Variants in TRIM25 observed in about 807,000 individuals in gnomAD.
TRIM25 encodes E3 ubiquitin/ISG15 ligase TRIM25.
In TRIM25, 45 loss-of-function variants were observed where a neutral mutation model predicts 65.2. The observed-to-expected ratio is 0.69, with a 90% CI of 0.54 to 0.89. The LOEUF is 0.89. Among genes scored for constraint, TRIM25 ranks in the 40% least tolerant of loss-of-function variants. The pLI is 0.00. For synonymous variants in TRIM25, 321 were observed against 340.4 expected, an observed-to-expected ratio of 0.94 and a Z score of 0.63; for missense variants, 714 against 803.7, an observed-to-expected ratio of 0.89 and a Z score of 1.35.
rs1909128697 is a variant in TRIM25, at chr17:56,889,721, C to A, written c.*1979G>T. ...GCCAGAGCAGGAGCCATGGATTTAT[C>A]TCTGGCATTCTACTCCTCCAAGCCC... is the stretch of plus-strand genomic sequence containing the variant. On this transcript the variant is annotated 3_prime_UTR_variant, in exon 9 of 9. Transcript: ENST00000316881. 1 of 398,496 alleles carries A rather than the reference C, an allele frequency of 2.5e-6. No homozygotes were observed. Among genetic ancestry groups the A allele is most frequent in the African/African-American group, 2.1e-5 (1 of 48,638 alleles). 24.7% of individuals were successfully genotyped at this position (398,496 alleles called of 1,614,324 possible). A position where few individuals can be genotyped will look rare whatever the true frequency, so the allele number is the denominator to read the frequency against.
At position 56,899,188 on chromosome 17, in the gene TRIM25, A is replaced by C. The variant is rs1308478867; in HGVS notation, c.1088-8T>G. On this transcript the variant is annotated splice_region_variant and splice_polypyrimidine_tract_variant and intron_variant, in intron 4 of 8. Coordinates refer to ENST00000316881, the MANE Select transcript of TRIM25 (RefSeq NM_005082.5). Reference sequence around the variant, plus strand: ...CATGCTCTCCAGGGTCACCTGTGTCAGAGAAGAAGGGCTCAGTGTGTGCGG... The same window carrying C: ...CATGCTCTCCAGGGTCACCTGTGTCCGAGAAGAAGGGCTCAGTGTGTGCGG... The C allele has an allele frequency of 4.3e-6, 7 of 1,614,144 alleles. No homozygotes were observed. The highest frequency in any genetic ancestry group is 5.9e-6 in the Non-Finnish European group (7 of 1,180,010).
intron 3 of TRIM25, 108 bp downstream of exon 3, chr17:56,904,147 T>C: frequency 1.1e-6 from 1 of 914,150 alleles, no homozygotes; most frequent in Non-Finnish European, 1.7e-6. Flanking sequence ...CAGGGATGCT[T>C]CCAGTGACCT....
chr17:56,905,807 A>T (rs1322357770), intron 2 of TRIM25, among the ~76,000 whole-genome samples: 1 of 151,802 alleles, frequency 6.6e-6, no homozygotes, highest in East Asian at 1.9e-4. Context: ...AAATAAAAAT[A>T]AAAAAATTAG....
chr17:56,896,426 C>T (rs1241586555), intron 5 of TRIM25, among the ~76,000 whole-genome samples: 1 of 148,348 alleles, frequency 6.7e-6, no homozygotes, highest in Non-Finnish European at 1.5e-5. Context: ...GGCCAAGGTG[C>T]AGGAACCACT....
At chr17:56,892,992 CAG>C in intron 8 of TRIM25, among the ~76,000 whole-genome samples, 1 of 152,170 alleles carries the variant, frequency 6.6e-6, no homozygotes, top group Non-Finnish European at 1.5e-5. Context: ...AGCCAAGTAA[CAG>C]AAGATGAGAA....
At chr17:56,899,238 A>T (rs2144353986) in intron 4 of TRIM25, 58 bp from the exon 5 acceptor site, 1 of 1,596,770 alleles carries the variant, frequency 6.3e-7, no homozygotes, top group Admixed American at 1.7e-5. Flanking sequence ...CCTAGCAGCC[A>T]GCTTTGCCAT....
At chr17:56,902,629 TATGAG>T (rs760253736) in intron 3 of TRIM25, among the ~76,000 whole-genome samples, 40 of 152,094 alleles carry the variant, frequency 2.6e-4, no homozygotes, top group African/African-American at 5.6e-4. Context: ...GGATGGATGA[TATGAG>T]ATGAGACTGC....
chr17:56,900,732 G>A (rs991357501), intron 4 of TRIM25, among the ~76,000 whole-genome samples: 4 of 152,302 alleles, frequency 2.6e-5, no homozygotes, highest in African/African-American at 7.2e-5. Context: ...AGTGGGGGGC[G>A]CCTTGGGGCT....
chr17:56,912,661 C>T (rs1281829623), intron 1 of TRIM25: 3 of 152,282 alleles, frequency 2.0e-5, no homozygotes, highest in Non-Finnish European at 2.9e-5. Flanking sequence ...ACCCGGGTCA[C>T]AATGCCTGCG....
chr17:56,899,046 T>C, intron 5 of TRIM25, 69 bp downstream of exon 5: 2 of 1,578,550 alleles, frequency 1.3e-6, no homozygotes, highest in Non-Finnish European at 1.7e-6. Flanking sequence ...GGGCCGGAAG[T>C]GACTTGGCCA....
chr17:56,896,059 A>T, intron 5 of TRIM25, 107 bp from the exon 6 acceptor site: 1 of 1,245,282 alleles, frequency 8.0e-7, no homozygotes, highest in South Asian at 1.4e-5. Context: ...AAATAAAAGG[A>T]TGTTTTAATT....
Position 56,889,566 on chromosome 17 carries a change from C to T in TRIM25, c.*2134G>A. The T allele has an allele frequency of 2.5e-6, 1 of 393,548 alleles. No homozygotes were observed. The highest frequency in any genetic ancestry group is 3.6e-5 in the East Asian group (1 of 27,800). 24.4% of individuals were successfully genotyped at this position (393,548 alleles called of 1,614,324 possible). On this transcript the variant is annotated 3_prime_UTR_variant, in exon 9 of 9. Transcript: ENST00000316881. ...TCCTCAATTTACAACTCCAAAGCAC[C>T]TTGCACAGAGCTTGGCTTTGGTTAC...
At position 56,913,242 on chromosome 17, in the gene TRIM25, C is replaced by A. The variant is rs556827824; in HGVS notation, c.597+150G>T. On this transcript the variant is annotated intron_variant, in intron 1 of 8. Transcript: ENST00000316881. This position sits in a 1 kb window ranked among gnomAD's most constrained non-coding sequence, Gnocchi z 6.1. ...GAAGGGACTATATAATCTCCCATCC[C>A]CTTTCTACTCTGACATTGGAGATGC... 8.0e-6 allele frequency: 5 copies of A among 626,162 alleles called. No individual in the cohort carries two copies. The highest frequency in any genetic ancestry group is 1.3e-5 in the Non-Finnish European group (5 of 381,496). 38.8% of individuals were successfully genotyped at this position (626,162 alleles called of 1,614,324 possible). A position where few individuals can be genotyped will look rare whatever the true frequency, so the allele number is the denominator to read the frequency against.
At chr17:56,896,455 A>G (rs1318539758) in intron 5 of TRIM25, among the ~76,000 whole-genome samples, 2 of 151,700 alleles carry the variant, frequency 1.3e-5, no homozygotes, top group Non-Finnish European at 2.9e-5. Context: ...AGCGTTAGAA[A>G]CTAGCATGGG....
chr17:56,908,410 C>T (rs1295567813), intron 2 of TRIM25, 58 bp downstream of exon 2: 16 of 1,553,734 alleles, frequency 1.0e-5, no homozygotes, highest in African/African-American at 4.1e-5. Context: ...GCCCATCCCG[C>T]GTGGAAGCTG....
chr17:56,895,777 C>G, intron 6 of TRIM25, 149 bp downstream of exon 6: 1 of 1,229,796 alleles, frequency 8.1e-7, no homozygotes, highest in Non-Finnish European at 1.1e-6. Context: ...GTCCTCCCCT[C>G]CAGCCTCAGG....
intron 5 of TRIM25, among the ~76,000 whole-genome samples, chr17:56,898,410 C>T (rs1395604553): frequency 2.0e-5 from 3 of 152,200 alleles, no homozygotes; most frequent in African/African-American, 7.2e-5. Context: ...CACTCAGAAT[C>T]ATCCTGTGGC....
chr17:56,913,629 C>T lies in TRIM25; in HGVS notation c.360G>A (p.Leu120=). Residue 120 remains leucine, a synonymous_variant, in exon 1 of 9, where the codon TTG becomes TTA. Coordinates refer to ENST00000316881, the MANE Select transcript of TRIM25 (RefSeq NM_005082.5). The surrounding 1 kb of genome is among the most constrained non-coding windows in gnomAD (Gnocchi z 6.1). Reference sequence around the variant, plus strand: ...CCTGACAGAAGGAGGCCATGCACACCAAGCACGTCTTCACGGCGGCCTCCT... The same window carrying T: ...CCTGACAGAAGGAGGCCATGCACACTAAGCACGTCTTCACGGCGGCCTCCT... ...CLKEAAVKTC[L]VCMASFCQEH... 6.2e-7 allele frequency: 1 copy of T among 1,602,124 alleles called. No individual in the cohort carries two copies.
At chr17:56,901,653 G>C in intron 3 of TRIM25, 75 bp from the exon 4 acceptor site, 16 of 1,581,178 alleles carry the variant, frequency 1.0e-5, no homozygotes, top group Non-Finnish European at 1.4e-5. Flanking sequence ...ACCAACCCCA[G>C]GAGGCTCTCC....
Sources: gnomAD v4.1 joint callset for allele counts (sites outside exome capture counted in the v4.1 genomes callset) on GRCh38, gnomAD v4.1.1 for gene constraint, Gnocchi (gnomAD v3.1) non-coding constraint, MANE v1.5 for transcripts, NCBI Gene and HGNC (gene_info 2026-07-23, HGNC 2026-07-21) for gene names.